RPTOR: variants seen among roughly 807,000 people sequenced by gnomAD.
RPTOR encodes the protein regulatory-associated protein of mTOR.
A neutral mutation model predicts 169.9 loss-of-function variants in RPTOR; 21 were observed. The observed-to-expected ratio is 0.12, with a 90% CI of 0.09 to 0.18. The LOEUF is 0.18. Among genes scored for constraint, RPTOR ranks in the 10% least tolerant of loss-of-function variants. The probability of loss-of-function intolerance (pLI) is 1.00; values close to 1 mark genes in which losing one functional copy is unlikely to be tolerated. For synonymous variants in RPTOR, 732 were observed against 753.2 expected (o/e 0.97, Z 0.46); for missense variants, 1,133 against 1,855.9 (o/e 0.61, Z 7.16).
chr17:80,620,413 A>G (rs2065345827), intron 1 of RPTOR, among the ~76,000 whole-genome samples: 1 of 152,234 alleles, frequency 6.6e-6, no homozygotes, highest in Non-Finnish European at 1.5e-5. Flanking sequence ...AGGTTGCCAT[A>G]GAAATGAAAA....
At chr17:80,761,893 C>T (rs537239135) in intron 6 of RPTOR, among the ~76,000 whole-genome samples, 1 of 152,116 alleles carries the variant, frequency 6.6e-6, no homozygotes, top group Non-Finnish European at 1.5e-5. Flanking sequence ...ATAAAATGCT[C>T]TTTTGTAGTA....
Position 80,904,667 on chromosome 17 carries a change from G to A in RPTOR, c.2402-4144G>A, listed in dbSNP as rs151020196. Among the ~76,000 whole-genome samples the A allele has an allele frequency of 6.6e-3, 997 of 152,178 alleles. 13 individuals are homozygous for A. The highest frequency in any genetic ancestry group is 0.023 in the African/African-American group (944 of 41,524). ...CATCCCCGGTCCCTGACTCCCTGCC[G>A]GGCAGGACCCAGGCAGCCCCACCTC... On this transcript the variant is annotated intron_variant, in intron 20 of 33. Transcript: ENST00000306801.
intron 6 of RPTOR, among the ~76,000 whole-genome samples, chr17:80,770,217 G>T (rs903460521): frequency 6.6e-6 from 1 of 152,166 alleles, no homozygotes; most frequent in South Asian, 2.1e-4. Context: ...CAGCACCCCC[G>T]CCTTAAATAA....
intron 7 of RPTOR, among the ~76,000 whole-genome samples, chr17:80,795,474 G>A (rs1465897063): frequency 6.6e-6 from 1 of 152,116 alleles, no homozygotes; most frequent in Non-Finnish European, 1.5e-5. Context: ...TCAGACAGCT[G>A]GAGGTTAGGG....
intron 1 of RPTOR, among the ~76,000 whole-genome samples, chr17:80,568,378 C>G (rs2064868425): frequency 6.6e-6 from 1 of 152,166 alleles, no homozygotes; most frequent in Admixed American, 6.6e-5. Flanking sequence ...CTTTATGCTC[C>G]TAGCACTTTA....
chr17:80,959,964 G>C lies in RPTOR; in HGVS notation c.3478-114G>C, dbSNP rs545018457. On this transcript the variant is annotated intron_variant, in intron 29 of 33. Coordinates refer to ENST00000306801, the MANE Select transcript of RPTOR (RefSeq NM_020761.3). The surrounding 1 kb of genome is among the most constrained non-coding windows in gnomAD (Gnocchi z 6.7). ...TAGAGAGAAAGGCCCCTGCAGCCAGGGAGGGTGATCCCCACAGCCAGGCAG... is the reference window on the plus strand; with the variant it reads ...TAGAGAGAAAGGCCCCTGCAGCCAGCGAGGGTGATCCCCACAGCCAGGCAG... The C allele has an allele frequency of 1.6e-5, 21 of 1,334,010 alleles. No homozygotes were observed. The highest frequency in any genetic ancestry group is 2.0e-5 in the Non-Finnish European group (19 of 955,942). 82.6% of individuals were successfully genotyped at this position (1,334,010 alleles called of 1,614,324 possible). A position where few individuals can be genotyped will look rare whatever the true frequency, so the allele number is the denominator to read the frequency against.
chr17:80,800,005 G>A (rs2067140536), intron 7 of RPTOR, among the ~76,000 whole-genome samples: 2 of 152,364 alleles, frequency 1.3e-5, no homozygotes, highest in East Asian at 3.9e-4. Flanking sequence ...AGGTCTGCCA[G>A]GCCAGAGCTC....
chr17:80,644,307 GT>G (rs3046923), intron 3 of RPTOR, among the ~76,000 whole-genome samples: 2,691 of 109,124 alleles, frequency 0.025, 47 homozygotes, highest in Middle Eastern at 0.081. Flanking sequence ...TAGTGTGTGG[GT>G]TTTTTTTTTT....
chr17:80,899,251 G>A (rs1275835193), intron 20 of RPTOR, among the ~76,000 whole-genome samples: 2 of 152,160 alleles, frequency 1.3e-5, no homozygotes, highest in Admixed American at 1.3e-4. Flanking sequence ...ATATTCTAAC[G>A]TCACTTGTAA....
chr17:80,830,843 C>G (rs905607879), intron 9 of RPTOR, among the ~76,000 whole-genome samples: 5 of 151,844 alleles, frequency 3.3e-5, no homozygotes. Context: ...CTCAACCTCC[C>G]AGGGTCAAGC....
intron 6 of RPTOR, among the ~76,000 whole-genome samples, chr17:80,770,978 C>G (rs979189830): frequency 6.6e-6 from 1 of 152,256 alleles, no homozygotes; most frequent in Non-Finnish European, 1.5e-5. Flanking sequence ...GGGCAGTCCC[C>G]TGCCTTCCTG....
intron 2 of RPTOR, among the ~76,000 whole-genome samples, chr17:80,643,110 C>CT (rs1469197748): frequency 2.0e-5 from 3 of 152,128 alleles, no homozygotes; most frequent in African/African-American, 7.2e-5. Context: ...AACCAAAGCT[C>CT]TTTGAGGTTT....
chr17:80,806,565 T>C (rs1009639005), intron 7 of RPTOR, among the ~76,000 whole-genome samples: 67 of 152,306 alleles, frequency 4.4e-4, no homozygotes, highest in African/African-American at 1.6e-3. Flanking sequence ...TTGGAAAGCT[T>C]CTTATTTAAA....
chr17:80,553,459 A>C (rs1846001611), intron 1 of RPTOR, among the ~76,000 whole-genome samples: 1 of 152,250 alleles, frequency 6.6e-6, no homozygotes. Context: ...CCTTCAAGTG[A>C]AAATTGGTTT....
At chr17:80,958,121 C>T (rs1375311853) in intron 29 of RPTOR, among the ~76,000 whole-genome samples, 3 of 150,330 alleles carry the variant, frequency 2.0e-5, no homozygotes, top group South Asian at 2.2e-4. Context: ...CCCTGCGTCA[C>T]CCAGGCTGGA....
chr17:80,560,979 C>T (rs893617280), intron 1 of RPTOR, among the ~76,000 whole-genome samples: 11 of 152,158 alleles, frequency 7.2e-5, no homozygotes, highest in Non-Finnish European at 1.5e-4. Context: ...CAGATCCTGA[C>T]CGGCTTATAA....
intron 6 of RPTOR, chr17:80,774,348 G>C: frequency 1.0e-6 from 1 of 985,288 alleles, no homozygotes; most frequent in Non-Finnish European, 1.2e-6. Context: ...AGTATGAATT[G>C]TATCATATTT....
At chr17:80,640,838 T>C (rs913066860) in intron 2 of RPTOR, among the ~76,000 whole-genome samples, 1 of 152,212 alleles carries the variant, frequency 6.6e-6, no homozygotes, top group African/African-American at 2.4e-5. Context: ...CTGGAGAGCA[T>C]GCATAGTGTG....
At position 80,562,228 on chromosome 17, in the gene RPTOR, A is replaced by G. The variant is rs2084507934; in HGVS notation, c.162+16437A>G. 6.6e-6 allele frequency among the ~76,000 whole-genome samples: 1 copy of G among 152,158 alleles called. No homozygotes were observed. The highest frequency in any genetic ancestry group is 1.5e-5 in the Non-Finnish European group (1 of 68,022). ...TCCTAACTGGATGTAGGAGAGAAAAACAAGATACACCAGGCATTTGGAAAG... is the reference window on the plus strand; with the variant it reads ...TCCTAACTGGATGTAGGAGAGAAAAGCAAGATACACCAGGCATTTGGAAAG... On this transcript the variant is annotated intron_variant, in intron 1 of 33. Transcript: ENST00000306801. This position sits in a 1 kb window ranked among gnomAD's most constrained non-coding sequence, Gnocchi z 4.4.
Sources: allele counts gnomAD v4.1 joint callset (sites outside exome capture counted in the v4.1 genomes callset), GRCh38; gene constraint gnomAD v4.1.1; non-coding constraint Gnocchi (gnomAD v3.1); transcripts MANE v1.5; gene names NCBI Gene and HGNC (gene_info 2026-07-23, HGNC 2026-07-21).